CCDC148: variants seen among roughly 807,000 people sequenced by gnomAD.
The protein encoded by CCDC148 is coiled-coil domain containing 148, also known as coiled-coil domain-containing protein 148.
A neutral mutation model predicts 85.7 loss-of-function variants in CCDC148; 89 were observed. The ratio of observed to expected loss-of-function variants is 1.04; its 90% CI spans 0.87 to 1.24. CCDC148 has a LOEUF of 1.24. CCDC148 is among the 50% of genes most tolerant of loss of function. The pLI, the probability that CCDC148 is intolerant of heterozygous loss-of-function variation, is 0.00. For synonymous variants in CCDC148, 230 were observed against 213.9 expected (o/e 1.08, Z -0.66); for missense variants, 692 against 671.7 (o/e 1.03, Z -0.33).
chr2:158,209,511 G>A (rs991834689), intron 11 of CCDC148, among the ~76,000 whole-genome samples: 12 of 152,214 alleles, frequency 7.9e-5, no homozygotes, highest in Admixed American at 4.6e-4. Context: ...TTGCTGCTGT[G>A]GAAGACCTGC....
chr2:158,207,914 GAAGC>G (rs931083599), intron 11 of CCDC148, among the ~76,000 whole-genome samples: 2 of 151,862 alleles, frequency 1.3e-5, no homozygotes, highest in African/African-American at 4.8e-5. Flanking sequence ...CAAATTTGCA[GAAGC>G]AAGGACCACT....
intron 9 of CCDC148, among the ~76,000 whole-genome samples, chr2:158,272,715 C>T (rs983342981): frequency 6.6e-6 from 1 of 152,100 alleles, no homozygotes; most frequent in Admixed American, 6.6e-5. Flanking sequence ...TTGGAGTATC[C>T]ACTCAACGTT....
intron 2 of CCDC148, among the ~76,000 whole-genome samples, chr2:158,351,730 C>T (rs1683307734): frequency 6.6e-6 from 1 of 152,124 alleles, no homozygotes; most frequent in African/African-American, 2.4e-5. Context: ...CACCACAGCT[C>T]AAGGAGGCCT....
At chr2:158,353,602 A>C (rs987053363) in intron 2 of CCDC148, among the ~76,000 whole-genome samples, 3 of 152,000 alleles carry the variant, frequency 2.0e-5, no homozygotes, top group Non-Finnish European at 4.4e-5. Flanking sequence ...CTACAAAGAG[A>C]CTTAGACTCC....
chr2:158,412,959 G>A (rs551059976), intron 1 of CCDC148, among the ~76,000 whole-genome samples: 34 of 151,054 alleles, frequency 2.3e-4, no homozygotes, highest in African/African-American at 6.8e-4. Context: ...CCATTAACTC[G>A]TCATTTAGCA....
At chr2:158,292,523 T>C (rs935077397) in intron 9 of CCDC148, among the ~76,000 whole-genome samples, 1 of 152,330 alleles carries the variant, frequency 6.6e-6, no homozygotes, top group Non-Finnish European at 1.5e-5. Flanking sequence ...GAAATTCTCT[T>C]GATAAAAGCT....
chr2:158,414,579 T>TA (rs11381898), intron 1 of CCDC148, among the ~76,000 whole-genome samples: 114,216 of 149,798 alleles, frequency 0.76, 45,448 homozygotes, highest in South Asian at 0.9. Flanking sequence ...CTTAAAAGTA[T>TA]AAAAAAAAAA....
chr2:158,289,186 A>G (rs1310326709), intron 9 of CCDC148, among the ~76,000 whole-genome samples: 1 of 152,240 alleles, frequency 6.6e-6, no homozygotes, highest in Non-Finnish European at 1.5e-5. Context: ...TACATAAAAT[A>G]TAAAAGAACT....
At chr2:158,437,173 A>G (rs1687698032) in intron 1 of CCDC148, among the ~76,000 whole-genome samples, 1 of 152,156 alleles carries the variant, frequency 6.6e-6, no homozygotes, top group South Asian at 2.1e-4. Flanking sequence ...AGACACAACC[A>G]AAAAAGAGAA....
intron 1 of CCDC148, among the ~76,000 whole-genome samples, chr2:158,421,966 T>C (rs4028061): frequency 0.34 from 52,031 of 151,804 alleles, 10,119 homozygotes; most frequent in Middle Eastern, 0.47. Flanking sequence ...AACACCTCTA[T>C]GCAAATAAAC....
intron 1 of CCDC148, among the ~76,000 whole-genome samples, chr2:158,398,884 C>A (rs528709760): frequency 2.0e-4 from 30 of 151,802 alleles, no homozygotes; most frequent in Non-Finnish European, 3.8e-4. Context: ...ACTAGCAAGA[C>A]TAATAAAGAA....
intron 1 of CCDC148, among the ~76,000 whole-genome samples, chr2:158,436,934 T>A (rs563859321): frequency 5.3e-5 from 8 of 152,078 alleles, no homozygotes; most frequent in African/African-American, 1.9e-4. Context: ...CAGGAAGAAG[T>A]TGAATCTCTG....
At chr2:158,310,389 C>T (rs771950865) in intron 8 of CCDC148, among the ~76,000 whole-genome samples, 11 of 152,250 alleles carry the variant, frequency 7.2e-5, no homozygotes, top group South Asian at 2.1e-4. Context: ...CTTTTCTATG[C>T]GACAAAACTG....
chr2:158,418,398 T>G (rs1400754071), intron 1 of CCDC148, among the ~76,000 whole-genome samples: 1 of 152,224 alleles, frequency 6.6e-6, no homozygotes, highest in African/African-American at 2.4e-5. Flanking sequence ...CAGAAGAAAC[T>G]GAAGGAAAAA....
intron 9 of CCDC148, among the ~76,000 whole-genome samples, chr2:158,251,113 T>C (rs970174565): frequency 2.6e-5 from 4 of 151,824 alleles, no homozygotes; most frequent in African/African-American, 7.2e-5. Context: ...TTTAAAATCA[T>C]GTAATTAAGG....
At chr2:158,420,773 A>G (rs1174054725) in intron 1 of CCDC148, among the ~76,000 whole-genome samples, 2 of 152,218 alleles carry the variant, frequency 1.3e-5, no homozygotes, top group African/African-American at 2.4e-5. Context: ...AAATGCTTCA[A>G]TTAAAATACA....
At chr2:158,341,922 TAC>T (rs1682719906) in intron 3 of CCDC148, among the ~76,000 whole-genome samples, 1 of 150,806 alleles carries the variant, frequency 6.6e-6, no homozygotes, top group East Asian at 1.9e-4. Context: ...TTTTTTTTTT[TAC>T]TAACACTAAC....
At chr2:158,216,089 T>C (rs1267611005) in intron 11 of CCDC148, among the ~76,000 whole-genome samples, 3 of 152,206 alleles carry the variant, frequency 2.0e-5, no homozygotes, top group African/African-American at 7.2e-5. Context: ...AGTGGTATTA[T>C]ATTGTTAAAT....
At chr2:158,442,789 A>G (rs1445671583) in intron 1 of CCDC148, among the ~76,000 whole-genome samples, 1 of 152,220 alleles carries the variant, frequency 6.6e-6, no homozygotes, top group Non-Finnish European at 1.5e-5. Flanking sequence ...CACTATTCTA[A>G]GAGTCTTAGC....
Sources: allele counts gnomAD v4.1 joint callset (sites outside exome capture counted in the v4.1 genomes callset), GRCh38; gene constraint gnomAD v4.1.1; transcripts MANE v1.5; gene names NCBI Gene and HGNC (gene_info 2026-07-23, HGNC 2026-07-21).